The following NEO1 variants were observed in gnomAD, a reference collection of about 807,000 sequenced individuals.
The protein encoded by NEO1 is neogenin 1, also known as neogenin.
Under a neutral mutation model 159.7 loss-of-function variants are expected in NEO1, and 63 were observed. The ratio of observed to expected loss-of-function variants is 0.39; its 90% CI spans 0.32 to 0.49. The LOEUF (loss-of-function observed/expected upper bound fraction) is 0.49. NEO1 is among the 20% of genes least tolerant of loss of function. The pLI is 0.85. For synonymous variants in NEO1, 633 were observed against 662.0 expected (o/e 0.96, Z 0.67); for missense variants, 1,615 against 1,831.0 (o/e 0.88, Z 2.15).
chr15:73,302,622 C>T lies in NEO1; in HGVS notation c.4312C>T (p.Pro1438Ser), dbSNP rs769891700. ...GTTTTCTTTTCCATAGAGCTATGAA[C>T]CAGATGAGCTGACCAAAGAGATGGC... Reference protein sequence around the residue: ...MLEDSESSYEPDELTKEMAHL... With the variant: ...MLEDSESSYESDELTKEMAHL... The change falls in exon 29 of 29, where the codon CCA (proline) becomes TCA (serine). Residue 1438 changes from proline (P) to serine (S), a missense_variant. Around this residue, in one of 3 missense-constraint regions of NEO1, gnomAD observed 471 missense variants for 498.9 expected, o/e 0.94. Coordinates refer to ENST00000261908, the MANE Select transcript of NEO1 (RefSeq NM_002499.4). 1 of 1,613,924 alleles carries T rather than the reference C, an allele frequency of 6.2e-7. No individual in the cohort carries two copies. The highest frequency in any genetic ancestry group is 8.5e-7 in the Non-Finnish European group (1 of 1,179,866).
At chr15:73,248,644 T>G (rs1343214584) in intron 9 of NEO1, among the ~76,000 whole-genome samples, 1 of 152,214 alleles carries the variant, frequency 6.6e-6, no homozygotes, top group Non-Finnish European at 1.5e-5. Context: ...CCTAAATCTG[T>G]TAGCACTTAC....
chr15:73,171,513 A>C (rs140657546), intron 5 of NEO1, among the ~76,000 whole-genome samples: 3,488 of 151,992 alleles, frequency 0.023, 52 homozygotes, highest in Middle Eastern at 0.054. Flanking sequence ...GCAGTGAGCC[A>C]TGATCATGCC....
intron 28 of NEO1, among the ~76,000 whole-genome samples, chr15:73,302,110 T>C (rs1001134957): frequency 1.3e-5 from 2 of 152,224 alleles, no homozygotes; most frequent in Admixed American, 6.5e-5. Context: ...ATACATTCCC[T>C]CAGTTCTACT....
Position 73,126,414 on chromosome 15 carries a change from T to A in NEO1, c.725-3T>A, listed in dbSNP as rs1215807579. ...TGTCTTTGTTAATTTTTTTTTTTTT[T>A]AGATCCTGAGGTGATATCAGACTTG... On this transcript the variant is annotated splice_region_variant and splice_polypyrimidine_tract_variant and intron_variant, in intron 3 of 28. Coordinates refer to ENST00000261908, the MANE Select transcript of NEO1 (RefSeq NM_002499.4). 2 of 1,564,092 alleles carry A rather than the reference T, an allele frequency of 1.3e-6. No individual in the cohort carries two copies. Among genetic ancestry groups the A allele is most frequent in the South Asian group, 1.2e-5 (1 of 83,028 alleles).
chr15:73,120,771 G>C (rs1029554433), intron 2 of NEO1, among the ~76,000 whole-genome samples: 1 of 151,978 alleles, frequency 6.6e-6, no homozygotes. Context: ...ATTCAGATAT[G>C]TGACTTGAAA....
intron 5 of NEO1, among the ~76,000 whole-genome samples, chr15:73,160,861 G>A (rs1295932940): frequency 6.6e-6 from 1 of 152,036 alleles, no homozygotes; most frequent in African/African-American, 2.4e-5. Flanking sequence ...TTACATCATT[G>A]GCCACTGGTG....
At chr15:73,126,666 C>T in intron 4 of NEO1, 96 bp downstream of exon 4, 1 of 1,178,634 alleles carries the variant, frequency 8.5e-7, no homozygotes, top group East Asian at 2.5e-5. Flanking sequence ...AGATTATCAA[C>T]TTTATTTAAA....
chr15:73,116,879 T>TC, intron 2 of NEO1, 22 bp downstream of exon 2: 3 of 1,514,198 alleles, frequency 2.0e-6, no homozygotes, highest in Non-Finnish European at 1.8e-6. Context: ...GTGATTTTTT[T>TC]TTTTGCATTT....
At chr15:73,212,043 G>A (rs141836843) in intron 7 of NEO1, among the ~76,000 whole-genome samples, 3 of 152,242 alleles carry the variant, frequency 2.0e-5, no homozygotes, top group East Asian at 3.9e-4. Flanking sequence ...CAATACATTC[G>A]TATCGGGGTA....
intron 15 of NEO1, among the ~76,000 whole-genome samples, chr15:73,262,559 A>G (rs1442148842): frequency 1.3e-5 from 2 of 152,172 alleles, no homozygotes; most frequent in South Asian, 2.1e-4. Context: ...ATGAAATGCT[A>G]TTGCACACCC....
intron 4 of NEO1, among the ~76,000 whole-genome samples, chr15:73,133,572 G>A (rs1051887872): frequency 6.6e-6 from 1 of 152,030 alleles, no homozygotes; most frequent in African/African-American, 2.4e-5. Flanking sequence ...AAGCCTTTCC[G>A]CTTGGTCAAA....
chr15:73,128,991 G>A (rs1159941431), intron 4 of NEO1, among the ~76,000 whole-genome samples: 1 of 152,208 alleles, frequency 6.6e-6, no homozygotes, highest in African/African-American at 2.4e-5. Flanking sequence ...CTAGGCTCCT[G>A]AATACTCAGA....
chr15:73,301,624 G>T, intron 28 of NEO1, 167 bp downstream of exon 28: 5 of 907,660 alleles, frequency 5.5e-6, no homozygotes, highest in Non-Finnish European at 8.2e-6. Flanking sequence ...TCTCTTCTGA[G>T]CCGGGAACTG....
chr15:73,270,182 A>C lies in NEO1; in HGVS notation c.2667A>C (p.Arg889=), dbSNP rs1456085221. The C allele has an allele frequency of 6.2e-7, 1 of 1,613,908 alleles. No homozygotes were observed. The highest frequency in any genetic ancestry group is 8.5e-7 in the Non-Finnish European group (1 of 1,180,002). Residue 889 remains arginine, a synonymous_variant, in exon 17 of 29, where the codon CGA becomes CGC. Coordinates refer to ENST00000261908, the MANE Select transcript of NEO1 (RefSeq NM_002499.4). ...LPKHQKITDS[R]YYTVRWKTNI... ...AGCACCAGAAGATTACAGACTCCCGATACTACACCGTCCGATGGAAAACCA... is the reference window on the plus strand; with the variant it reads ...AGCACCAGAAGATTACAGACTCCCGCTACTACACCGTCCGATGGAAAACCA...
intron 7 of NEO1, among the ~76,000 whole-genome samples, chr15:73,231,586 T>G (rs1282798005): frequency 1.3e-5 from 2 of 151,964 alleles, no homozygotes; most frequent in Non-Finnish European, 2.9e-5. Flanking sequence ...TACAAAAAAT[T>G]AGCCAGGCGT....
chr15:73,063,578 T>C (rs1159002924), intron 1 of NEO1, among the ~76,000 whole-genome samples: 1 of 152,142 alleles, frequency 6.6e-6, no homozygotes, highest in Non-Finnish European at 1.5e-5. Context: ...TCTTAAGACT[T>C]GAGCTGATTT....
At chr15:73,275,664 G>C (rs775313697) in intron 21 of NEO1, among the ~76,000 whole-genome samples, 9 of 151,874 alleles carry the variant, frequency 5.9e-5, no homozygotes, top group Non-Finnish European at 1.2e-4. Flanking sequence ...CAAAAAAAAA[G>C]TAAATAAATA....
chr15:73,269,885 T>C (rs1346959414), intron 16 of NEO1, 125 bp from the exon 17 acceptor site: 2 of 781,338 alleles, frequency 2.6e-6, no homozygotes, highest in Non-Finnish European at 4.2e-6. Context: ...CTATTAACTC[T>C]GAATTTTCTT....
upstream of NEO1, chr15:73,051,845 GGAGGCCTTTCGGTTTCCTCT>G (rs950124893): frequency 6.6e-6 from 1 of 152,306 alleles, no homozygotes; most frequent in African/African-American, 2.4e-5. Context: ...GTTTCCTCCC[GGAGGCCTTTCGGTTTCCTCT>G]GAGGCCCTAT....
Sources: allele counts gnomAD v4.1 joint callset (sites outside exome capture counted in the v4.1 genomes callset), GRCh38; gene constraint gnomAD v4.1.1; regional missense constraint gnomAD v4.1.1; transcripts MANE v1.5; gene names NCBI Gene and HGNC (gene_info 2026-07-23, HGNC 2026-07-21).